MED13L: variants seen among roughly 807,000 people sequenced by gnomAD.
The protein encoded by MED13L is mediator complex subunit 13L.
Under a neutral mutation model 220.9 loss-of-function variants are expected in MED13L, and 7 were observed. That is an observed-to-expected ratio of 0.03 (90% CI 0.02 to 0.06). The LOEUF is 0.06. Among genes scored for constraint, MED13L ranks in the 10% least tolerant of loss-of-function variants. MED13L has a pLI of 1.00. For missense variants in MED13L, 1,965 were observed against 2,760.5 expected, an observed-to-expected ratio of 0.71 and a Z score of 6.46; for synonymous variants, 1,011 against 1,015.2, an observed-to-expected ratio of 1.00 and a Z score of 0.08.
At chr12:116,234,741 T>C (rs975076432) in intron 2 of MED13L, among the ~76,000 whole-genome samples, 2 of 152,172 alleles carry the variant, frequency 1.3e-5, no homozygotes, top group Non-Finnish European at 2.9e-5. Context: ...CACTGCAACC[T>C]TGGCCTCCTG....
chr12:116,129,941 AAG>A (rs1288397781), intron 2 of MED13L, among the ~76,000 whole-genome samples: 13 of 151,964 alleles, frequency 8.6e-5, no homozygotes, highest in African/African-American at 3.1e-4. Context: ...GAAAGAAAGA[AAG>A]AATGAAATGA....
chr12:116,172,460 A>G (rs931505049), intron 2 of MED13L, among the ~76,000 whole-genome samples: 1 of 152,110 alleles, frequency 6.6e-6, no homozygotes, highest in Non-Finnish European at 1.5e-5. Context: ...TCCAGGTTTC[A>G]CTCTCTAGAA....
In MED13L at chr12:116,111,460, C is replaced by T. The variant is rs764817333; in HGVS notation, c.363G>A (p.Leu121=). ...ACAGATTGTGGATCGCTTTGAAGAG[C>T]AGCGTCCTACATTCATAGGAAAGGC... ...ENGLSYECRT[L]LFKAIHNLLE... The change falls in exon 3 of 31, where the codon CTG becomes CTA. Residue 121 remains leucine, a synonymous_variant. Coordinates refer to ENST00000281928, the MANE Select transcript of MED13L (RefSeq NM_015335.5). 2 of 1,610,868 alleles carry T rather than the reference C, an allele frequency of 1.2e-6. No individual in the cohort carries two copies. The highest frequency in any genetic ancestry group is 1.7e-6 in the Non-Finnish European group (2 of 1,179,426).
chr12:116,197,032 AAGAC>A (rs1351824820), intron 2 of MED13L, among the ~76,000 whole-genome samples: 1 of 152,226 alleles, frequency 6.6e-6, no homozygotes, highest in Non-Finnish European at 1.5e-5. Context: ...CACAAACAAT[AAGAC>A]AGAACATCAG....
chr12:116,090,171 T>C (rs545720877), intron 4 of MED13L, among the ~76,000 whole-genome samples: 9 of 152,356 alleles, frequency 5.9e-5, no homozygotes, highest in African/African-American at 1.9e-4. Flanking sequence ...ATTCATGCTC[T>C]GAAGCTTCAA....
At chr12:116,207,579 T>C (rs1408785463) in intron 2 of MED13L, among the ~76,000 whole-genome samples, 2 of 152,186 alleles carry the variant, frequency 1.3e-5, no homozygotes, top group African/African-American at 4.8e-5. Context: ...GTAATATTGA[T>C]GGCAGTGTTG....
At chr12:116,271,752 T>C (rs149278076) in intron 1 of MED13L, among the ~76,000 whole-genome samples, 49 of 152,342 alleles carry the variant, frequency 3.2e-4, no homozygotes, top group African/African-American at 1.2e-3. Context: ...CAATGTTGCA[T>C]GTATTTTTTT....
chr12:116,225,667 T>C (rs142388906), intron 2 of MED13L, among the ~76,000 whole-genome samples: 2 of 152,326 alleles, frequency 1.3e-5, no homozygotes, highest in African/African-American at 4.8e-5. Context: ...GTGAATAACA[T>C]GCCTTATTAA....
chr12:116,039,635 T>C (rs936282702), intron 4 of MED13L, among the ~76,000 whole-genome samples: 1 of 152,032 alleles, frequency 6.6e-6, no homozygotes, highest in African/African-American at 2.4e-5. Flanking sequence ...TATTTTGAGA[T>C]CACTTTAGGT....
intron 4 of MED13L, among the ~76,000 whole-genome samples, chr12:116,091,565 TTAAG>T (rs1168495408): frequency 1.3e-5 from 2 of 152,356 alleles, no homozygotes; most frequent in African/African-American, 4.8e-5. Flanking sequence ...CAAGCCCTTA[TTAAG>T]TGTTTGTCTG....
At chr12:116,076,633 G>A (rs1054156087) in intron 4 of MED13L, among the ~76,000 whole-genome samples, 2 of 152,190 alleles carry the variant, frequency 1.3e-5, no homozygotes, top group Non-Finnish European at 2.9e-5. Context: ...AAGGGGTCAA[G>A]AGCAATTGGG....
chr12:116,009,741 C>T (rs574694330), intron 9 of MED13L, among the ~76,000 whole-genome samples: 5 of 152,264 alleles, frequency 3.3e-5, no homozygotes, highest in East Asian at 1.9e-4. Flanking sequence ...TACAGACACA[C>T]GTTAAAATGA....
intron 2 of MED13L, among the ~76,000 whole-genome samples, chr12:116,187,561 GC>G (rs917563930): frequency 3.9e-5 from 6 of 152,206 alleles, no homozygotes; most frequent in African/African-American, 1.4e-4. Flanking sequence ...GTCTTTCTCT[GC>G]AAAAGTTCAA....
chr12:116,018,009 C>T (rs980224265), intron 7 of MED13L, among the ~76,000 whole-genome samples: 2 of 151,870 alleles, frequency 1.3e-5, no homozygotes, highest in African/African-American at 2.4e-5. Flanking sequence ...CTATGTCTCC[C>T]ACAAAACATC....
At chr12:115,989,634 C>T (rs1052466250) in intron 17 of MED13L, among the ~76,000 whole-genome samples, 1 of 152,126 alleles carries the variant, frequency 6.6e-6, no homozygotes, top group African/African-American at 2.4e-5. Context: ...TTAAAACTTC[C>T]AAACTTCCAC....
At position 116,198,531 on chromosome 12, in the gene MED13L, A is replaced by G. The variant is rs73398824; in HGVS notation, c.310+38937T>C. ...TCTCTGACCCCCTACAGAAGTTTAG[A>G]TGTGCCTCTTCACTGAGACTTCTCT... On this transcript the variant is annotated intron_variant, in intron 2 of 30. Coordinates refer to ENST00000281928, the MANE Select transcript of MED13L (RefSeq NM_015335.5). 9.5e-3 allele frequency among the ~76,000 whole-genome samples: 1,447 copies of G among 152,264 alleles called. 18 individuals are homozygous for G. Among genetic ancestry groups the G allele is most frequent in the African/African-American group, 0.033 (1,386 of 41,534 alleles).
intron 4 of MED13L, among the ~76,000 whole-genome samples, chr12:116,049,678 A>G (rs1294640836): frequency 6.6e-6 from 1 of 152,252 alleles, no homozygotes; most frequent in African/African-American, 2.4e-5. Flanking sequence ...GCCTAAAAAT[A>G]TAACATGCAT....
At chr12:116,134,561 T>C (rs1876362131) in intron 2 of MED13L, among the ~76,000 whole-genome samples, 1 of 152,096 alleles carries the variant, frequency 6.6e-6, no homozygotes, top group Non-Finnish European at 1.5e-5. Context: ...GGGCTGAAAA[T>C]TCAGCAGTGA....
chr12:116,136,970 C>A (rs191178966), intron 2 of MED13L, among the ~76,000 whole-genome samples: 1 of 152,270 alleles, frequency 6.6e-6, no homozygotes, highest in East Asian at 1.9e-4. Flanking sequence ...TGAGGTAAAT[C>A]ATCAGTAAAA....
Sources: gnomAD v4.1 joint callset for allele counts (sites outside exome capture counted in the v4.1 genomes callset) on GRCh38, gnomAD v4.1.1 for gene constraint, MANE v1.5 for transcripts, NCBI Gene and HGNC (gene_info 2026-07-23, HGNC 2026-07-21) for gene names.